Variants in CATSPERT observed in about 807,000 individuals in gnomAD.
The protein encoded by CATSPERT is cation channel sperm-associated targeting subunit tau.
At chr2:201,517,927 A>G in the CATSPERT span, among the ~76,000 whole-genome samples, 1 of 152,234 alleles carries the variant, frequency 6.6e-6, no homozygotes, top group African/African-American at 2.4e-5. Context: ...CTTTTCAAAA[A>G]GAGTGTACCT....
chr2:201,596,210 T>C, the CATSPERT span, among the ~76,000 whole-genome samples: 2 of 152,070 alleles, frequency 1.3e-5, no homozygotes, highest in Non-Finnish European at 2.9e-5. Flanking sequence ...ATAAAGAAAA[T>C]GTAGTACATA....
the CATSPERT span, among the ~76,000 whole-genome samples, chr2:201,533,837 G>A: frequency 2.6e-5 from 4 of 152,070 alleles, no homozygotes; most frequent in Admixed American, 6.6e-5. Flanking sequence ...ACAGAAGTTA[G>A]TGAGGGTGAC....
At chr2:201,601,677 AGGG>A in the CATSPERT span, 7 of 1,450,624 alleles carry the variant, frequency 4.8e-6, no homozygotes, top group South Asian at 9.3e-5. Flanking sequence ...AGACAGAATT[AGGG>A]TAGAATATTT....
At chr2:201,592,184 G>C in the CATSPERT span, among the ~76,000 whole-genome samples, 1 of 152,114 alleles carries the variant, frequency 6.6e-6, no homozygotes, top group Non-Finnish European at 1.5e-5. Context: ...AGAGTTTTTA[G>C]CATGAAAGGT....
the CATSPERT span, among the ~76,000 whole-genome samples, chr2:201,581,481 T>TGA: frequency 5.2e-4 from 1 of 1,932 alleles, no homozygotes; most frequent in Non-Finnish European, 1.5e-3. Flanking sequence ...TTCCGGAATA[T>TGA]ATATATATAT....
At chr2:201,576,443 C>T in the CATSPERT span, among the ~76,000 whole-genome samples, 1 of 152,226 alleles carries the variant, frequency 6.6e-6, no homozygotes, top group Non-Finnish European at 1.5e-5. Context: ...GTTCTGCAAC[C>T]TCAGACTCTT....
chr2:201,499,792 C>A, the CATSPERT span, among the ~76,000 whole-genome samples: 1 of 150,850 alleles, frequency 6.6e-6, no homozygotes, highest in South Asian at 2.1e-4. Context: ...ATGATCATAC[C>A]ACTACACTAT....
At chr2:201,565,950 G>T in the CATSPERT span, 1 of 1,334,318 alleles carries the variant, frequency 7.5e-7, no homozygotes, top group South Asian at 1.6e-5. Context: ...TATCACTTTT[G>T]AACCCTTCTC....
At chr2:201,537,865 A>C in the CATSPERT span, among the ~76,000 whole-genome samples, 2 of 152,150 alleles carry the variant, frequency 1.3e-5, no homozygotes, top group South Asian at 4.1e-4. Flanking sequence ...ATACTTGTAA[A>C]ATTTTCCTAG....
At chr2:201,537,445 A>G in the CATSPERT span, 8 of 1,591,244 alleles carry the variant, frequency 5.0e-6, no homozygotes, top group Non-Finnish European at 6.9e-6. Context: ...CCTCATTTGC[A>G]GTAGTTTCAG....
chr2:201,518,528 G>A, the CATSPERT span, among the ~76,000 whole-genome samples: 2 of 152,174 alleles, frequency 1.3e-5, no homozygotes, highest in South Asian at 2.1e-4. Flanking sequence ...AGATGAGTAG[G>A]TATCCTTAAG....
the CATSPERT span, among the ~76,000 whole-genome samples, chr2:201,515,201 AGT>A: frequency 1.3e-4 from 9 of 70,214 alleles, 3 homozygotes; most frequent in Admixed American, 4.2e-4. Flanking sequence ...ATCTGCCCAT[AGT>A]TTTTTTTTTT....
the CATSPERT span, among the ~76,000 whole-genome samples, chr2:201,567,158 T>C: frequency 0.48 from 72,844 of 152,014 alleles, 17,881 homozygotes; most frequent in East Asian, 0.75. Flanking sequence ...ATGCTCTTTC[T>C]TAAGTGTTCC....
the CATSPERT span, among the ~76,000 whole-genome samples, chr2:201,546,518 G>A: frequency 6.6e-6 from 1 of 152,124 alleles, no homozygotes; most frequent in African/African-American, 2.4e-5. Context: ...CAAATGTCCA[G>A]TAAACACATG....
the CATSPERT span, chr2:201,492,829 G>GT: frequency 1.3e-6 from 2 of 1,536,510 alleles, no homozygotes; most frequent in South Asian, 1.2e-5. Flanking sequence ...GTCCTCCTTG[G>GT]TGATATGTCC....
At chr2:201,618,416 T>C in the CATSPERT span, among the ~76,000 whole-genome samples, 1 of 152,044 alleles carries the variant, frequency 6.6e-6, no homozygotes, top group Non-Finnish European at 1.5e-5. Context: ...TGTGGGGTCA[T>C]GGATGAAGCT....
chr2:201,525,491 C>T, the CATSPERT span, among the ~76,000 whole-genome samples: 4 of 152,132 alleles, frequency 2.6e-5, no homozygotes, highest in African/African-American at 9.7e-5. Context: ...TAAATGCCCA[C>T]ATCAAAAGTT....
At chr2:201,501,395 C>CAAAAAAAAAAAAAA in the CATSPERT span, among the ~76,000 whole-genome samples, 2 of 46,598 alleles carry the variant, frequency 4.3e-5, no homozygotes, top group African/African-American at 8.4e-5. Context: ...AACTCCATCT[C>CAAAAAAAAAAAAAA]AAAAAAAAAA....
chr2:201,487,985 ATGG>A, the CATSPERT span: 1 of 1,155,704 alleles, frequency 8.7e-7, no homozygotes, highest in South Asian at 1.6e-5. Flanking sequence ...TCTGACATGG[ATGG>A]TCAAAAGAAA....
Sources: allele counts gnomAD v4.1 joint callset (sites outside exome capture counted in the v4.1 genomes callset), GRCh38; gene constraint gnomAD v4.1.1; transcripts MANE v1.5; gene names NCBI Gene and HGNC (gene_info 2026-07-23, HGNC 2026-07-21).